The following LRRC4C variants were observed in gnomAD, a reference collection of about 807,000 sequenced individuals.
The protein encoded by LRRC4C is leucine rich repeat containing 4C.
LRRC4C carries 5 observed loss-of-function variants against 33.6 expected under a neutral mutation model. The ratio of observed to expected loss-of-function variants is 0.15; its 90% CI spans 0.08 to 0.31. The LOEUF is 0.31. Ranked by LOEUF, LRRC4C falls within the 10% of genes least tolerant of loss-of-function variation. The pLI is 1.00. For missense variants in LRRC4C, 560 were observed against 796.7 expected, an observed-to-expected ratio of 0.70 and a Z score of 3.58; for synonymous variants, 329 against 302.0, an observed-to-expected ratio of 1.09 and a Z score of -0.93.
chr11:40,306,538 C>T (rs1314448319), intron 4 of LRRC4C, among the ~76,000 whole-genome samples: 1 of 152,174 alleles, frequency 6.6e-6, no homozygotes, highest in Non-Finnish European at 1.5e-5. Context: ...TTACACTCTA[C>T]CTGCTTTCAC....
intron 1 of LRRC4C, among the ~76,000 whole-genome samples, chr11:41,367,463 G>A (rs1213087036): frequency 2.6e-5 from 4 of 152,014 alleles, no homozygotes; most frequent in African/African-American, 9.7e-5. Context: ...CAACACTTGG[G>A]GATACCAGCT....
chr11:41,281,080 T>TCCCTCTGTC (rs1591146634), intron 1 of LRRC4C, among the ~76,000 whole-genome samples: 1 of 104,502 alleles, frequency 9.6e-6, no homozygotes, highest in African/African-American at 4.5e-5. Context: ...CTCTCTGTCC[T>TCCCTCTGTC]CTCTCTCTCT....
chr11:40,125,280 T>G (rs1014421570), intron 6 of LRRC4C, among the ~76,000 whole-genome samples: 1 of 152,068 alleles, frequency 6.6e-6, no homozygotes, highest in Non-Finnish European at 1.5e-5. Flanking sequence ...CTAGATATCG[T>G]TGAGGGTAAA....
intron 3 of LRRC4C, among the ~76,000 whole-genome samples, chr11:40,369,093 T>A (rs1189654328): frequency 6.6e-6 from 1 of 152,212 alleles, no homozygotes; most frequent in East Asian, 1.9e-4. Context: ...TGTTTATCTA[T>A]TGATAACCTG....
At chr11:41,384,342 T>C (rs1953272141) in intron 1 of LRRC4C, among the ~76,000 whole-genome samples, 1 of 151,934 alleles carries the variant, frequency 6.6e-6, no homozygotes, top group African/African-American at 2.4e-5. Flanking sequence ...TTTATTCATT[T>C]GAGTAGTACA....
intron 1 of LRRC4C, among the ~76,000 whole-genome samples, chr11:40,966,657 C>T (rs2136940358): frequency 6.6e-6 from 1 of 152,022 alleles, no homozygotes; most frequent in South Asian, 2.1e-4. Flanking sequence ...CTGGGGTAGC[C>T]TCATGCCTCT....
chr11:40,340,898 C>A (rs1309146384), intron 3 of LRRC4C, among the ~76,000 whole-genome samples: 2 of 152,140 alleles, frequency 1.3e-5, no homozygotes, highest in African/African-American at 2.4e-5. Flanking sequence ...AGTCACTTAT[C>A]TACCATGGGT....
At chr11:41,095,805 C>T (rs563877020) in intron 1 of LRRC4C, among the ~76,000 whole-genome samples, 3 of 152,270 alleles carry the variant, frequency 2.0e-5, no homozygotes, top group Non-Finnish European at 2.9e-5. Context: ...TTAGTGATAA[C>T]GGTGGTGTTT....
At chr11:41,126,354 C>G (rs1942741847) in intron 1 of LRRC4C, among the ~76,000 whole-genome samples, 1 of 151,524 alleles carries the variant, frequency 6.6e-6, no homozygotes. Flanking sequence ...CTAGTAAAAC[C>G]TTTTTGTAGT....
intron 3 of LRRC4C, among the ~76,000 whole-genome samples, chr11:40,377,227 A>G (rs1436641577): frequency 6.6e-6 from 1 of 152,146 alleles, no homozygotes; most frequent in East Asian, 1.9e-4. Flanking sequence ...ACACACAATG[A>G]TTATCCACTA....
intron 3 of LRRC4C, among the ~76,000 whole-genome samples, chr11:40,470,789 T>C (rs1290977548): frequency 3.3e-5 from 5 of 151,938 alleles, no homozygotes; most frequent in African/African-American, 9.7e-5. Context: ...ATATCAGAGA[T>C]TGAAGATCAA....
intron 1 of LRRC4C, among the ~76,000 whole-genome samples, chr11:41,018,401 C>T (rs1011912132): frequency 6.6e-6 from 1 of 150,582 alleles, no homozygotes; most frequent in African/African-American, 2.4e-5. Context: ...TGACAACCAC[C>T]AGGGATGGGG....
intron 1 of LRRC4C, among the ~76,000 whole-genome samples, chr11:41,054,189 T>A (rs1012138845): frequency 6.6e-6 from 1 of 152,226 alleles, no homozygotes; most frequent in African/African-American, 2.4e-5. Context: ...TCACTCCCAG[T>A]TACTCATTTC....
chr11:41,389,639 CA>C (rs56194204), intron 1 of LRRC4C, among the ~76,000 whole-genome samples: 1 of 80,958 alleles, frequency 1.2e-5, no homozygotes, highest in African/African-American at 4.8e-5. Context: ...CAGTGAGCAG[CA>C]AAAAAAAAAA....
chr11:41,205,660 C>A (rs945182496), intron 1 of LRRC4C, among the ~76,000 whole-genome samples: 7 of 152,052 alleles, frequency 4.6e-5, no homozygotes, highest in Admixed American at 2.0e-4. Flanking sequence ...GAAAAACAAA[C>A]AAACAACAAA....
At chr11:40,769,417 C>G (rs1488924954) in intron 2 of LRRC4C, among the ~76,000 whole-genome samples, 1 of 151,968 alleles carries the variant, frequency 6.6e-6, no homozygotes, top group Non-Finnish European at 1.5e-5. Flanking sequence ...AAGCAATTTC[C>G]AGATTCAATG....
intron 3 of LRRC4C, among the ~76,000 whole-genome samples, chr11:40,435,222 TG>T (rs774786284): frequency 6.6e-6 from 1 of 152,216 alleles, no homozygotes; most frequent in Non-Finnish European, 1.5e-5. Context: ...CAGCAGCATA[TG>T]CTCCTCACAC....
intron 2 of LRRC4C, among the ~76,000 whole-genome samples, chr11:40,696,114 T>C (rs1389995591): frequency 4.1e-5 from 6 of 146,436 alleles, no homozygotes; most frequent in Non-Finnish European, 6.0e-5. Flanking sequence ...TATATATATA[T>C]ACTCATTCAC....
chr11:40,317,201 G>T (rs1346894027), intron 4 of LRRC4C, among the ~76,000 whole-genome samples: 2 of 150,986 alleles, frequency 1.3e-5, no homozygotes, highest in South Asian at 2.1e-4. Context: ...TTTTTTAGGA[G>T]CAGGACATCC....
Sources: allele counts gnomAD v4.1 joint callset (sites outside exome capture counted in the v4.1 genomes callset), GRCh38; gene constraint gnomAD v4.1.1; transcripts MANE v1.5; gene names NCBI Gene and HGNC (gene_info 2026-07-23, HGNC 2026-07-21).